Variants in GPSM2 observed in about 807,000 individuals in gnomAD.
GPSM2 encodes the protein G protein signaling modulator 2.
A neutral mutation model predicts 78.4 loss-of-function variants in GPSM2; 58 were observed. That is an observed-to-expected ratio of 0.74 (90% CI 0.60 to 0.92). The LOEUF is 0.92. Ranked by LOEUF, GPSM2 falls within the 40% of genes least tolerant of loss-of-function variation. The pLI, the probability that GPSM2 is intolerant of heterozygous loss-of-function variation, is 0.00. For missense variants in GPSM2, 700 were observed against 815.5 expected, an observed-to-expected ratio of 0.86 and a Z score of 1.73; for synonymous variants, 224 against 280.2, an observed-to-expected ratio of 0.80 and a Z score of 2.00.
At chr1:108,926,371 T>TAA (rs939678359) in intron 14 of GPSM2, 1 of 152,036 alleles carries the variant, frequency 6.6e-6, no homozygotes, top group Non-Finnish European at 1.5e-5. Flanking sequence ...AGAAGGAAAA[T>TAA]AAAGAAATGA....
rs368070961 is a variant in GPSM2 at position 108,889,179 on chromosome 1, T to A, written c.56+3601T>A. ...TTTACTTGCTGCAGAAGGGGTACAC[T>A]CATCAGCAGTTTTGCCTCGAGAGTA... is the stretch of plus-strand genomic sequence containing the variant. On this transcript the variant is annotated intron_variant, in intron 2 of 14. Coordinates refer to ENST00000264126, the MANE Select transcript of GPSM2 (RefSeq NM_013296.5). Among the ~76,000 whole-genome samples, 13 of 152,196 alleles carry A rather than the reference T, an allele frequency of 8.5e-5. No individual in the cohort carries two copies. The East Asian group carries it at 1.9e-3, about 23-fold the overall frequency.
chr1:108,926,619 T>C (rs1475011015), intron 14 of GPSM2: 2 of 151,908 alleles, frequency 1.3e-5, no homozygotes, highest in East Asian at 3.9e-4. Context: ...GTGTAACACA[T>C]AATATAAACA....
intron 2 of GPSM2, among the ~76,000 whole-genome samples, chr1:108,888,014 A>G (rs1647696336): frequency 6.6e-6 from 1 of 152,234 alleles, no homozygotes; most frequent in Non-Finnish European, 1.5e-5. Context: ...CTTAAATATT[A>G]TCATCATTTA....
intron 13 of GPSM2, 46 bp from the exon 14 acceptor site, chr1:108,923,949 TTTTTG>T: frequency 7.4e-7 from 1 of 1,346,908 alleles, no homozygotes; most frequent in Non-Finnish European, 1.1e-6. Flanking sequence ...GTTTTTTTGT[TTTTTG>T]TTTTTTGTTT....
intron 10 of GPSM2, among the ~76,000 whole-genome samples, chr1:108,908,058 G>A (rs1649385851): frequency 6.6e-6 from 1 of 152,226 alleles, no homozygotes; most frequent in Non-Finnish European, 1.5e-5. Flanking sequence ...AGTCTTATGA[G>A]TTGCAGTTAG....
intron 1 of GPSM2, among the ~76,000 whole-genome samples, chr1:108,879,077 G>A (rs1400225207): frequency 1.3e-5 from 2 of 152,184 alleles, no homozygotes; most frequent in African/African-American, 4.8e-5. Context: ...CAATCTTTCT[G>A]TTGGAACTAT....
Position 108,901,673 on chromosome 1 carries a change from C to G in GPSM2, c.798-117C>G, listed in dbSNP as rs146320545. Reference sequence around the variant, plus strand: ...AAGTACGGGATATGAATATTAGGCTCTCAGAGATTTAAAGACAGCAGAAAG... The same window carrying G: ...AAGTACGGGATATGAATATTAGGCTGTCAGAGATTTAAAGACAGCAGAAAG... On this transcript the variant is annotated intron_variant, in intron 7 of 14. Coordinates refer to ENST00000264126, the MANE Select transcript of GPSM2 (RefSeq NM_013296.5). 19 of 810,892 alleles carry G rather than the reference C, an allele frequency of 2.3e-5. 1 individual carries two copies. In the East Asian group the frequency reaches 4.6e-4, roughly 20 times the overall value. 50.2% of individuals were successfully genotyped at this position (810,892 alleles called of 1,614,324 possible).
At chr1:108,904,663 T>C (rs1649090537) in intron 10 of GPSM2, among the ~76,000 whole-genome samples, 1 of 151,894 alleles carries the variant, frequency 6.6e-6, no homozygotes, top group Non-Finnish European at 1.5e-5. Flanking sequence ...CTGTTTTCTG[T>C]TTAGTTCTTT....
chr1:108,901,715 T>G, intron 7 of GPSM2, 75 bp from the exon 8 acceptor site: 8 of 1,103,744 alleles, frequency 7.2e-6, no homozygotes, highest in South Asian at 1.2e-5. Context: ...AGAGGAAAAA[T>G]GAGAGTTTTG....
intron 13 of GPSM2, 85 bp from the exon 14 acceptor site, chr1:108,923,914 CT>C: frequency 1.1e-6 from 1 of 951,402 alleles, no homozygotes; most frequent in Non-Finnish European, 1.7e-6. Flanking sequence ...CCGAAAAGAT[CT>C]AGGTATATAA....
At chr1:108,901,158 G>A (rs2101424710) in intron 7 of GPSM2, among the ~76,000 whole-genome samples, 1 of 152,268 alleles carries the variant, frequency 6.6e-6, no homozygotes, top group East Asian at 1.9e-4. Flanking sequence ...TTTGCCCTTA[G>A]CTTAGTAATT....
At chr1:108,886,095 A>C (rs1647527072) in intron 2 of GPSM2, among the ~76,000 whole-genome samples, 1 of 152,002 alleles carries the variant, frequency 6.6e-6, no homozygotes, top group Non-Finnish European at 1.5e-5. Flanking sequence ...GAGTCTCACT[A>C]TATTGCCCAG....
At position 108,885,423 on chromosome 1, in the gene GPSM2, T is replaced by C; in HGVS notation, c.-100T>C. 1 of 720,408 alleles carries C rather than the reference T, an allele frequency of 1.4e-6. No individual in the cohort carries two copies. Among genetic ancestry groups the C allele is most frequent in the South Asian group, 1.7e-5 (1 of 59,974 alleles). The allele number at this position is 720,408 out of a possible 1,614,324, so 44.6% of individuals were successfully genotyped here. A position where few individuals can be genotyped will look rare whatever the true frequency, so the allele number is the denominator to read the frequency against. On this transcript the variant is annotated 5_prime_UTR_variant, in exon 2 of 15. Coordinates refer to ENST00000264126, the MANE Select transcript of GPSM2 (RefSeq NM_013296.5). The stretch of plus-strand genomic sequence containing the variant: ...ATGTATTAACACCAACTCATTAATA[T>C]ACTAACCGGACAATGTTCTACAAAC...
chr1:108,905,899 A>C (rs948198276), intron 10 of GPSM2, among the ~76,000 whole-genome samples: 7 of 152,198 alleles, frequency 4.6e-5, no homozygotes, highest in Non-Finnish European at 1.0e-4. Flanking sequence ...TGGTTAATTA[A>C]AATGTAGAGA....
intron 10 of GPSM2, among the ~76,000 whole-genome samples, chr1:108,905,820 C>T (rs749596143): frequency 1.3e-5 from 2 of 152,166 alleles, no homozygotes; most frequent in South Asian, 4.1e-4. Context: ...CCACTAGCTA[C>T]ATGTGGCTGT....
Position 108,930,063 on chromosome 1 carries a change from T to C in GPSM2, c.*123T>C, listed in dbSNP as rs1056561108. 6.6e-6 allele frequency: 6 copies of C among 908,960 alleles called. No individual in the cohort carries two copies. The highest frequency in any genetic ancestry group is 1.0e-5 in the Non-Finnish European group (6 of 592,482). 56.3% of individuals were successfully genotyped at this position (908,960 alleles called of 1,614,324 possible). A position where few individuals can be genotyped will look rare whatever the true frequency, so the allele number is the denominator to read the frequency against. ...TAAAATATTTTTAGAATGATGTAAA[T>C]AGTTAACCTTCAGTAGTCTATTAAG... is the stretch of plus-strand genomic sequence containing the variant. On this transcript the variant is annotated 3_prime_UTR_variant, in exon 15 of 15. Coordinates refer to ENST00000264126, the MANE Select transcript of GPSM2 (RefSeq NM_013296.5).
intron 1 of GPSM2, among the ~76,000 whole-genome samples, chr1:108,884,155 C>G (rs1487527982): frequency 6.6e-6 from 1 of 152,100 alleles, no homozygotes; most frequent in African/African-American, 2.4e-5. Context: ...GTTGGCTAGG[C>G]TGGTCTTGAA....
At chr1:108,892,500 T>C (rs1191966010) in intron 2 of GPSM2, among the ~76,000 whole-genome samples, 1 of 152,208 alleles carries the variant, frequency 6.6e-6, no homozygotes, top group Non-Finnish European at 1.5e-5. Flanking sequence ...AGGATAGTAG[T>C]ACTGTGTCTA....
At chr1:108,917,628 A>AC (rs1650354259) in intron 11 of GPSM2, among the ~76,000 whole-genome samples, 1 of 15,116 alleles carries the variant, frequency 6.6e-5, no homozygotes, top group East Asian at 1.3e-3. Context: ...ATATATATAT[A>AC]TATATATATA....
Sources: allele counts gnomAD v4.1 joint callset (sites outside exome capture counted in the v4.1 genomes callset), GRCh38; gene constraint gnomAD v4.1.1; transcripts MANE v1.5; gene names NCBI Gene and HGNC (gene_info 2026-07-23, HGNC 2026-07-21).